The following LTF variants were observed in gnomAD, a reference collection of about 807,000 sequenced individuals.
LTF encodes the protein epididymis luminal protein 110.
In LTF, 91 loss-of-function variants were observed where a neutral mutation model predicts 87.2. The ratio of observed to expected loss-of-function variants is 1.04; its 90% CI spans 0.88 to 1.24. The LOEUF is 1.24. Among genes scored for constraint, LTF ranks in the 50% most tolerant of loss-of-function variants. The pLI is 0.00. For synonymous variants in LTF, 378 were observed against 356.1 expected (o/e 1.06, Z -0.69); for missense variants, 901 against 904.3 (o/e 1.00, Z 0.05).
intron 1 of LTF, among the ~76,000 whole-genome samples, chr3:46,476,534 C>T (rs1471180257): frequency 6.6e-6 from 1 of 152,176 alleles, no homozygotes; most frequent in Non-Finnish European, 1.5e-5. Flanking sequence ...CTTTTAAAAA[C>T]ACACTTTTTA....
intron 6 of LTF, 137 bp from the exon 7 acceptor site, chr3:46,450,810 G>T (rs953767889): frequency 1.5e-5 from 11 of 721,672 alleles, no homozygotes; most frequent in Non-Finnish European, 2.6e-5. Flanking sequence ...AAAGGCAGGG[G>T]TTTGCTCCAG....
At chr3:46,439,240 T>A in intron 15 of LTF, 56 bp downstream of exon 15, 1 of 1,520,646 alleles carries the variant, frequency 6.6e-7, no homozygotes, top group Non-Finnish European at 8.9e-7. Flanking sequence ...TGTGATCTCC[T>A]CACCTAACAT....
intron 2 of LTF, among the ~76,000 whole-genome samples, chr3:46,457,790 T>A (rs1381734884): frequency 6.6e-6 from 1 of 152,232 alleles, no homozygotes; most frequent in East Asian, 1.9e-4. Flanking sequence ...GTTATTCTTT[T>A]ATTTATTTAT....
At chr3:46,449,057 C>A in intron 8 of LTF, 40 bp from the exon 9 acceptor site, 1 of 1,571,456 alleles carries the variant, frequency 6.4e-7, no homozygotes, top group South Asian at 1.2e-5. Context: ...GCAACCTGAG[C>A]TTTGCCAGGT....
At chr3:46,449,557 G>A (rs142965916) in intron 8 of LTF, among the ~76,000 whole-genome samples, 5 of 152,260 alleles carry the variant, frequency 3.3e-5, no homozygotes, top group South Asian at 2.1e-4. Flanking sequence ...CCAGGCCCCC[G>A]GATTCATCCA....
upstream of LTF, chr3:46,464,973 C>T: frequency 2.8e-6 from 3 of 1,070,380 alleles, no homozygotes; most frequent in Non-Finnish European, 4.2e-6. Context: ...AATAGACACC[C>T]CTTCCCTCCC....
chr3:46,446,373 C>T, intron 11 of LTF, 67 bp downstream of exon 11: 4 of 1,347,578 alleles, frequency 3.0e-6, no homozygotes, highest in Non-Finnish European at 4.2e-6. Context: ...TTTTACAGTT[C>T]CTGCCACTTC....
chr3:46,482,750 A>AAG (rs1559615032), intron 1 of LTF, among the ~76,000 whole-genome samples: 1 of 113,342 alleles, frequency 8.8e-6, no homozygotes, highest in South Asian at 3.3e-4. Context: ...AAGGAAGGAA[A>AAG]GAAGGAAAGA....
chr3:46,446,391 A>G (rs1702654695), intron 11 of LTF, 49 bp downstream of exon 11: 3 of 1,514,384 alleles, frequency 2.0e-6, no homozygotes, highest in African/African-American at 2.8e-5. Context: ...TTCCTCTTCC[A>G]GCAACAAGAA....
In LTF at chr3:46,443,552, CCAGGGGCA is replaced by C. The variant is rs760445152; in HGVS notation, c.1536_1543del (p.Cys512TrpfsTer3). On this transcript the variant is annotated frameshift_variant, in exon 13 of 17. Coordinates refer to ENST00000231751, the MANE Select transcript of LTF (RefSeq NM_002343.6). LOFTEE classifies it high-confidence loss of function. ...ACAGAGATTAGATCTCGGGTCAGAC[CCAGGGGCA>C]CAGCTTTGACTGAAATATTCATCTG... The C allele has an allele frequency of 1.9e-5, 30 of 1,613,938 alleles. No homozygotes were observed. The highest frequency in any genetic ancestry group is 1.6e-4 in the Middle Eastern group (1 of 6,084).
chr3:46,480,202 T>C (rs1023151585), intron 1 of LTF, among the ~76,000 whole-genome samples: 3 of 152,198 alleles, frequency 2.0e-5, no homozygotes, highest in Non-Finnish European at 2.9e-5. Context: ...TTGAACTTTA[T>C]TTAAAACTAA....
In LTF at chr3:46,436,154, G is replaced by T; in HGVS notation, c.*41C>A. On this transcript the variant is annotated 3_prime_UTR_variant, in exon 17 of 17. Coordinates refer to ENST00000231751, the MANE Select transcript of LTF (RefSeq NM_002343.6). The stretch of plus-strand genomic sequence containing the variant: ...GGGAGAAGAGCTGGGGGCAGTGAAT[G>T]GCTGAGGCTTTCTTGGGGAGCTGGG... 1 of 1,610,652 alleles carries T rather than the reference G, an allele frequency of 6.2e-7. No individual in the cohort carries two copies. Among genetic ancestry groups the T allele is most frequent in the South Asian group, 1.1e-5 (1 of 90,996 alleles).
At position 46,460,528 on chromosome 3, in the gene LTF, A is replaced by G. The variant is rs908917385; in HGVS notation, c.44-709T>C. On this transcript the variant is annotated intron_variant, in intron 1 of 16. Coordinates refer to ENST00000231751, the MANE Select transcript of LTF (RefSeq NM_002343.6). ...GAGCCTGCTTTTGTTGCTCAAATCC[A>G]TGTAATTAGGGAGGAAGATGCATTG... 10 of 453,808 alleles carry G rather than the reference A, an allele frequency of 2.2e-5. No individual in the cohort carries two copies. In the Admixed American group the frequency reaches 2.4e-4, roughly 11 times the overall value. 28.1% of individuals were successfully genotyped at this position (453,808 alleles called of 1,614,324 possible).
At chr3:46,467,635 TTTTC>T (rs1178497161), upstream of LTF, among the ~76,000 whole-genome samples, 239 of 143,560 alleles carry the variant, frequency 1.7e-3, 1 homozygote, top group African/African-American at 5.5e-3. Context: ...TTTTCTTTTC[TTTTC>T]TTTTCTTTTT....
At chr3:46,465,660 G>A (rs1168423853), upstream of LTF, among the ~76,000 whole-genome samples, 1 of 150,836 alleles carries the variant, frequency 6.6e-6, no homozygotes, top group Non-Finnish European at 1.5e-5. Context: ...GGTGTTGATA[G>A]TATTCAGTAG....
intron 1 of LTF, 88 bp from the exon 2 acceptor site, chr3:46,459,907 C>T: frequency 1.0e-6 from 1 of 960,404 alleles, no homozygotes; most frequent in Non-Finnish European, 1.4e-6. Context: ...CCAGACTCCT[C>T]CCTCTCTCTC....
Position 46,436,229 on chromosome 3 carries a change from G to T in LTF, c.2099C>A (p.Pro700His), listed in dbSNP as rs746579472. 1 of 1,613,718 alleles carries T rather than the reference G, an allele frequency of 6.2e-7. No homozygotes were observed. The highest frequency in any genetic ancestry group is 8.5e-7 in the Non-Finnish European group (1 of 1,179,588). The part of the protein sequence containing the change: ...ITNLKKCSTS[P>H]LLEACEFLRK ...GAGGAATTCACAGGCTTCCAGGAGGGCTGTGGGACACAACAGAGCAAGAGA... is the reference window on the plus strand; with the variant it reads ...GAGGAATTCACAGGCTTCCAGGAGGTCTGTGGGACACAACAGAGCAAGAGA... The change falls in exon 17 of 17, where the codon CCC becomes CAC. Residue 700 changes from proline to histidine, a missense_variant and splice_region_variant. Transcript: ENST00000231751.
At position 46,455,722 on chromosome 3, in the gene LTF, T is replaced by C. The variant is rs1702911291; in HGVS notation, c.499+74A>G. Reference sequence around the variant, plus strand: ...TCATCCCACACTTTCACCTGCATGATCTGTGTGGCCTGTGCTTACAACTGG... The same window carrying C: ...TCATCCCACACTTTCACCTGCATGACCTGTGTGGCCTGTGCTTACAACTGG... On this transcript the variant is annotated intron_variant, in intron 4 of 16. Transcript: ENST00000231751. 9 of 1,454,752 alleles carry C rather than the reference T, an allele frequency of 6.2e-6. No individual in the cohort carries two copies. In the East Asian group the frequency reaches 9.2e-5, roughly 15 times the overall value. The allele number at this position is 1,454,752 out of a possible 1,614,324, so 90.1% of individuals were successfully genotyped here.
At chr3:46,451,918 C>T (rs1702812941) in intron 6 of LTF, among the ~76,000 whole-genome samples, 1 of 152,092 alleles carries the variant, frequency 6.6e-6, no homozygotes, top group African/African-American at 2.4e-5. Flanking sequence ...TTGATAAATG[C>T]CATTAATCTA....
Sources: allele counts gnomAD v4.1 joint callset (sites outside exome capture counted in the v4.1 genomes callset), GRCh38; gene constraint gnomAD v4.1.1; transcripts MANE v1.5; gene names NCBI Gene and HGNC (gene_info 2026-07-23, HGNC 2026-07-21).